The following STAT3 variants were observed in gnomAD, a reference collection of about 807,000 sequenced individuals.
The protein encoded by STAT3 is DNA-binding protein APRF.
In STAT3, 7 loss-of-function variants were observed where a neutral mutation model predicts 114.3. That is an observed-to-expected ratio of 0.06 (90% CI 0.03 to 0.11). STAT3 has a LOEUF of 0.11. STAT3 is among the 10% of genes least tolerant of loss of function. STAT3 has a pLI of 1.00. For missense variants in STAT3, 364 were observed against 960.9 expected, an observed-to-expected ratio of 0.38 and a Z score of 8.21; for synonymous variants, 331 against 354.5, an observed-to-expected ratio of 0.93 and a Z score of 0.74.
intron 1 of STAT3, among the ~76,000 whole-genome samples, chr17:42,364,617 G>A (rs1336136255): frequency 1.3e-5 from 2 of 152,134 alleles, no homozygotes; most frequent in African/African-American, 2.4e-5. Flanking sequence ...CAAGTAGCTG[G>A]GATTACAGGT....
chr17:42,381,853 AT>A (rs1057454605), intron 1 of STAT3, among the ~76,000 whole-genome samples: 64 of 152,236 alleles, frequency 4.2e-4, no homozygotes, highest in African/African-American at 1.5e-3. Context: ...TAAAACACAC[AT>A]TTTATATTCC....
In STAT3 at chr17:42,333,336, CTT is replaced by C. The variant is rs1567717859; in HGVS notation, c.1049+335_1049+336del. Among the ~76,000 whole-genome samples, 1 of 152,120 alleles carries C rather than the reference CTT, an allele frequency of 6.6e-6. No individual in the cohort carries two copies. The highest frequency in any genetic ancestry group is 1.5e-5 in the Non-Finnish European group (1 of 68,020). ...AGCTTCCCCATCACTAAGCCTTACTCTTTCCCTTAAAATCCACAGGGAAGAGT... is the reference window on the plus strand; with the variant it reads ...AGCTTCCCCATCACTAAGCCTTACTCTCCCTTAAAATCCACAGGGAAGAGT... On this transcript the variant is annotated intron_variant, in intron 10 of 23. Coordinates refer to ENST00000264657, the MANE Select transcript of STAT3 (RefSeq NM_139276.3). This position sits in a 1 kb window ranked among gnomAD's most constrained non-coding sequence, Gnocchi z 5.2.
chr17:42,362,889 G>C (rs2083587377), intron 1 of STAT3, among the ~76,000 whole-genome samples: 1 of 152,148 alleles, frequency 6.6e-6, no homozygotes, highest in South Asian at 2.1e-4. Context: ...AAAAACACCA[G>C]GCTCCTGCCT....
chr17:42,368,226 A>C (rs2083910567), intron 1 of STAT3, among the ~76,000 whole-genome samples: 1 of 152,156 alleles, frequency 6.6e-6, no homozygotes, highest in Non-Finnish European at 1.5e-5. Context: ...AATAAACAAA[A>C]GGCATTTCCT....
Position 42,388,359 on chromosome 17 carries a change from C to A in STAT3, c.-104G>T. On this transcript the variant is annotated 5_prime_UTR_variant, in exon 1 of 24. Coordinates refer to ENST00000264657, the MANE Select transcript of STAT3 (RefSeq NM_139276.3). ...GGCGAGGCTCCCTCAGGCCGAAGGG[C>A]CTCTCCGAGCCGAGGGGGAGAGACA... The A allele has an allele frequency of 2.4e-6, 3 of 1,231,784 alleles. No individual in the cohort carries two copies. The highest frequency in any genetic ancestry group is 3.0e-6 in the Non-Finnish European group (3 of 988,026). 76.3% of individuals were successfully genotyped at this position (1,231,784 alleles called of 1,614,324 possible). A position where few individuals can be genotyped will look rare whatever the true frequency, so the allele number is the denominator to read the frequency against.
rs2144718565 is a variant in STAT3, at chr17:42,325,050, C to T, written c.1377G>A (p.Leu459=). Residue 459 remains leucine (L), a synonymous_variant, in exon 16 of 24, where the codon TTG becomes TTA. Coordinates refer to ENST00000264657, the MANE Select transcript of STAT3 (RefSeq NM_139276.3). The part of the protein sequence containing the change: ...GLKIDLETHS[L]PVVVISNICQ... ...AGATGTTGGAGATCACCACAACTGG[C>T]AAGGAGTGGGTCTGCGGAGGGAGTG... The T allele has an allele frequency of 6.2e-7, 1 of 1,613,958 alleles. No homozygotes were observed. Among genetic ancestry groups the T allele is most frequent in the Admixed American group, 1.7e-5 (1 of 60,012 alleles).
intron 5 of STAT3, 62 bp downstream of exon 5, chr17:42,339,252 T>G: frequency 1.4e-6 from 2 of 1,391,316 alleles, no homozygotes; most frequent in African/African-American, 1.6e-5. Flanking sequence ...CAAGACCCTG[T>G]CTCAAAAAAA....
intron 21 of STAT3, among the ~76,000 whole-genome samples, chr17:42,318,192 G>A (rs2081327988): frequency 6.6e-6 from 1 of 151,494 alleles, no homozygotes; most frequent in South Asian, 2.1e-4. Flanking sequence ...GCGCCATCTT[G>A]GCTCTCTACA....
At chr17:42,332,670 C>T (rs1019104592) in intron 10 of STAT3, among the ~76,000 whole-genome samples, 3 of 151,760 alleles carry the variant, frequency 2.0e-5, no homozygotes, top group African/African-American at 7.3e-5. Context: ...TGGAGAAACC[C>T]TGTCTCTACT....
At chr17:42,373,983 G>A (rs1396781881) in intron 1 of STAT3, 1 of 152,058 alleles carries the variant, frequency 6.6e-6, no homozygotes, top group Non-Finnish European at 1.5e-5. Context: ...TGGAAGATGA[G>A]TGATCTCCCC....
chr17:42,320,587 G>A (rs2081429710), intron 21 of STAT3, among the ~76,000 whole-genome samples: 1 of 151,956 alleles, frequency 6.6e-6, no homozygotes, highest in South Asian at 2.1e-4. Flanking sequence ...AAAATCAGCT[G>A]GGCATGGTGG....
intron 1 of STAT3, among the ~76,000 whole-genome samples, chr17:42,357,952 G>A (rs1490572059): frequency 6.6e-6 from 1 of 152,094 alleles, no homozygotes; most frequent in Non-Finnish European, 1.5e-5. Flanking sequence ...ACACTTGAGT[G>A]CCCAATCTGA....
chr17:42,381,603 G>C (rs1468832185), intron 1 of STAT3, among the ~76,000 whole-genome samples: 4 of 151,830 alleles, frequency 2.6e-5, no homozygotes, highest in Non-Finnish European at 5.9e-5. Flanking sequence ...GTGGTGGCGG[G>C]CGCCTGTAGT....
intron 11 of STAT3, among the ~76,000 whole-genome samples, chr17:42,330,917 A>G (rs1002122127): frequency 6.6e-6 from 1 of 152,208 alleles, no homozygotes; most frequent in Non-Finnish European, 1.5e-5. Flanking sequence ...AAATGCATAT[A>G]TGATGGTGGT....
chr17:42,325,919 C>T (rs949404387), intron 15 of STAT3, among the ~76,000 whole-genome samples, 197 bp downstream of exon 15: 4 of 152,230 alleles, frequency 2.6e-5, no homozygotes, highest in Non-Finnish European at 4.4e-5. Context: ...AATATACACA[C>T]ATCTTCTAAG....
At chr17:42,374,537 G>A (rs952198129) in intron 1 of STAT3, among the ~76,000 whole-genome samples, 1 of 149,808 alleles carries the variant, frequency 6.7e-6, no homozygotes, top group African/African-American at 2.5e-5. Context: ...TTGAACCTGG[G>A]AGGCAGAGGT....
At chr17:42,365,273 C>A (rs1172949361) in intron 1 of STAT3, among the ~76,000 whole-genome samples, 1 of 152,178 alleles carries the variant, frequency 6.6e-6, no homozygotes, top group Non-Finnish European at 1.5e-5. Flanking sequence ...CAAGTAGGCA[C>A]GTGGTCTACA....
At chr17:42,370,088 G>A (rs1341531465) in intron 1 of STAT3, among the ~76,000 whole-genome samples, 4 of 150,070 alleles carry the variant, frequency 2.7e-5, no homozygotes, top group Non-Finnish European at 4.4e-5. Context: ...CTCCTGCCTC[G>A]CCTCCCGAGT....
At chr17:42,319,719 G>C (rs191799783) in intron 21 of STAT3, among the ~76,000 whole-genome samples, 1 of 152,150 alleles carries the variant, frequency 6.6e-6, no homozygotes, top group Admixed American at 6.6e-5. Context: ...GTCTTGGGAG[G>C]ATAATCTAAC....
Sources: gnomAD v4.1 joint callset for allele counts (sites outside exome capture counted in the v4.1 genomes callset) on GRCh38, gnomAD v4.1.1 for gene constraint, Gnocchi (gnomAD v3.1) non-coding constraint, MANE v1.5 for transcripts, NCBI Gene and HGNC (gene_info 2026-07-23, HGNC 2026-07-21) for gene names.